TTC9: variants seen among roughly 807,000 people sequenced by gnomAD.
TTC9 encodes the protein tetratricopeptide repeat protein 9A.
TTC9 carries 13 observed loss-of-function variants against 22.9 expected under a neutral mutation model. That is an observed-to-expected ratio of 0.57 (90% CI 0.37 to 0.90). The LOEUF (loss-of-function observed/expected upper bound fraction) is 0.90. TTC9 is among the 40% of genes least tolerant of loss of function. The pLI, the probability that TTC9 is intolerant of heterozygous loss-of-function variation, is 0.01. For synonymous variants in TTC9, 148 were observed against 133.2 expected (o/e 1.11, Z -0.77); for missense variants, 280 against 291.8 (o/e 0.96, Z 0.29).
At position 70,673,492 on chromosome 14, in the gene TTC9, C is replaced by G. The variant is rs45560640; in HGVS notation, c.*2337C>G. The G allele has an allele frequency of 0.056, 8,473 of 152,290 alleles. 278 individuals carry two copies. The highest frequency in any genetic ancestry group is 0.061 in the South Asian group (295 of 4,830). 9.4% of individuals were successfully genotyped at this position (152,290 alleles called of 1,614,324 possible). On this transcript the variant is annotated 3_prime_UTR_variant, in exon 3 of 3. Transcript: ENST00000256367. ...CCTACTATATTATGCTGTCTTTCCT[C>G]TTCCTCCTAGCTGGCTTTACATGAC...
chr14:70,659,388 T>C (rs1428252446), intron 1 of TTC9, among the ~76,000 whole-genome samples: 1 of 152,130 alleles, frequency 6.6e-6, no homozygotes, highest in African/African-American at 2.4e-5. Flanking sequence ...GGGGGGTTAG[T>C]TTTGCAAGCA....
intron 1 of TTC9, among the ~76,000 whole-genome samples, chr14:70,659,727 C>T (rs1484247246): frequency 6.6e-6 from 1 of 152,074 alleles, no homozygotes; most frequent in Non-Finnish European, 1.5e-5. Context: ...GGAAGCAGTA[C>T]CCATGCCTCA....
intron 1 of TTC9, among the ~76,000 whole-genome samples, chr14:70,649,445 A>ATG: frequency 6.6e-6 from 1 of 152,196 alleles, no homozygotes; most frequent in Non-Finnish European, 1.5e-5. Context: ...GAACTTATGT[A>ATG]TATATAATTT....
chr14:70,650,176 C>G (rs2139640945), intron 1 of TTC9, among the ~76,000 whole-genome samples: 1 of 152,280 alleles, frequency 6.6e-6, no homozygotes, highest in South Asian at 2.1e-4. Context: ...CGGTGCAGCA[C>G]TTTTGGAGTC....
chr14:70,658,077 G>T (rs1488904126), intron 1 of TTC9, among the ~76,000 whole-genome samples: 1 of 152,164 alleles, frequency 6.6e-6, no homozygotes, highest in Non-Finnish European at 1.5e-5. Flanking sequence ...AGCCAGTCCG[G>T]GTTTCCACCA....
intron 1 of TTC9, among the ~76,000 whole-genome samples, chr14:70,657,986 A>G (rs1042428439): frequency 6.6e-6 from 1 of 152,160 alleles, no homozygotes; most frequent in Non-Finnish European, 1.5e-5. Flanking sequence ...ACAAACAAAC[A>G]AAGAAACAGC....
intron 2 of TTC9, among the ~76,000 whole-genome samples, chr14:70,668,171 A>C (rs979196568): frequency 6.6e-6 from 1 of 152,238 alleles, no homozygotes; most frequent in Non-Finnish European, 1.5e-5. Context: ...TGCTAAGCCC[A>C]GCACCTTTCA....
intron 1 of TTC9, among the ~76,000 whole-genome samples, chr14:70,664,932 C>A (rs191843029): frequency 4.6e-5 from 7 of 152,172 alleles, no homozygotes; most frequent in African/African-American, 7.2e-5. Context: ...CAGTTCCCAC[C>A]GGATCTGCAG....
At chr14:70,652,732 G>T (rs889289276) in intron 1 of TTC9, among the ~76,000 whole-genome samples, 1 of 152,224 alleles carries the variant, frequency 6.6e-6, no homozygotes, top group African/African-American at 2.4e-5. Flanking sequence ...AGCATTTGGG[G>T]ATGTGATTCT....
chr14:70,647,059 T>A (rs1331452281), intron 1 of TTC9, among the ~76,000 whole-genome samples: 2 of 152,232 alleles, frequency 1.3e-5, no homozygotes, highest in Non-Finnish European at 1.5e-5. Context: ...CATTTGCTAT[T>A]TGATGTCATT....
In TTC9 at chr14:70,672,455, T is replaced by C. The variant is rs142833626; in HGVS notation, c.*1300T>C. 2.2e-3 allele frequency: 332 copies of C among 152,372 alleles called. No homozygotes were observed. The highest frequency in any genetic ancestry group is 7.5e-3 in the African/African-American group (313 of 41,584). The allele number at this position is 152,372 out of a possible 1,614,324, so 9.4% of individuals were successfully genotyped here. On this transcript the variant is annotated 3_prime_UTR_variant, in exon 3 of 3. Coordinates refer to ENST00000256367, the MANE Select transcript of TTC9 (RefSeq NM_015351.2). ...CAAGAAACACTTACTGAGGGCATAT[T>C]GTTTGCCCATCATTGTGCAATATGC...
At chr14:70,668,774 C>T (rs945387621) in intron 2 of TTC9, among the ~76,000 whole-genome samples, 1 of 150,712 alleles carries the variant, frequency 6.6e-6, no homozygotes, top group African/African-American at 2.5e-5. Context: ...TCACCTGAAC[C>T]TGGAAGGCGG....
intron 1 of TTC9, among the ~76,000 whole-genome samples, chr14:70,664,523 C>T (rs1054177222): frequency 3.7e-4 from 57 of 152,098 alleles, no homozygotes; most frequent in African/African-American, 1.1e-3. Flanking sequence ...GTCAGGAGTT[C>T]GAGACCAGCC....
chr14:70,643,752 C>A (rs1885863303), intron 1 of TTC9, among the ~76,000 whole-genome samples: 1 of 152,188 alleles, frequency 6.6e-6, no homozygotes, highest in Non-Finnish European at 1.5e-5. Flanking sequence ...TTTCTAGTAC[C>A]AGCCTACCTC....
intron 1 of TTC9, among the ~76,000 whole-genome samples, chr14:70,649,773 C>T (rs891589492): frequency 6.6e-6 from 1 of 152,186 alleles, no homozygotes; most frequent in Admixed American, 6.5e-5. Flanking sequence ...TGCCCATCTT[C>T]CAGTCTTTCC....
In TTC9 at chr14:70,657,356, G is replaced by T. The variant is rs1886081385; in HGVS notation, c.407-10208G>T. Among the ~76,000 whole-genome samples the T allele has an allele frequency of 1.6e-4, 25 of 152,320 alleles. No individual in the cohort carries two copies. The South Asian group carries it at 4.6e-3, about 28-fold the overall frequency. ...CAGCAGCTCTGGTAGTGATCCCAAAGGTGGGGCATCCATGTGAAGAATCAG... is the reference window on the plus strand; with the variant it reads ...CAGCAGCTCTGGTAGTGATCCCAAATGTGGGGCATCCATGTGAAGAATCAG... On this transcript the variant is annotated intron_variant, in intron 1 of 2. Coordinates refer to ENST00000256367, the MANE Select transcript of TTC9 (RefSeq NM_015351.2).
In TTC9 at chr14:70,649,432, C is replaced by T. The variant is rs144102582; in HGVS notation, c.406+6897C>T. On this transcript the variant is annotated intron_variant, in intron 1 of 2. Transcript: ENST00000256367. The stretch of plus-strand genomic sequence containing the variant: ...TATGAAGGACAAGATCCCCGCCTTA[C>T]ATGAACTTATGTATATATAATTTCA... 6.4e-3 allele frequency among the ~76,000 whole-genome samples: 926 copies of T among 145,820 alleles called. 2 individuals are homozygous for T. The highest frequency in any genetic ancestry group is 0.015 in the Middle Eastern group (4 of 266).
At chr14:70,666,812 A>G (rs926419950) in intron 1 of TTC9, among the ~76,000 whole-genome samples, 1 of 152,228 alleles carries the variant, frequency 6.6e-6, no homozygotes, top group Non-Finnish European at 1.5e-5. Flanking sequence ...TGAGACCAGC[A>G]TCTGTACAAG....
intron 1 of TTC9, among the ~76,000 whole-genome samples, chr14:70,647,964 C>G (rs1885927427): frequency 6.6e-6 from 1 of 152,054 alleles, no homozygotes; most frequent in African/African-American, 2.4e-5. Flanking sequence ...AAGGCAGAGT[C>G]TAAGAACAAA....
Sources: allele counts gnomAD v4.1 joint callset (sites outside exome capture counted in the v4.1 genomes callset), GRCh38; gene constraint gnomAD v4.1.1; transcripts MANE v1.5; gene names NCBI Gene and HGNC (gene_info 2026-07-23, HGNC 2026-07-21).